BRI3: variants seen among roughly 807,000 people sequenced by gnomAD.
The protein encoded by BRI3 is brain protein I3, also known as membrane protein BRI3.
BRI3 carries 6 observed loss-of-function variants against 12.8 expected under a neutral mutation model. That is an observed-to-expected ratio of 0.47 (90% confidence interval 0.26 to 0.93). The LOEUF (loss-of-function observed/expected upper bound fraction) is 0.93, where lower values mean the gene tolerates loss of function less well. Among genes scored for constraint, BRI3 ranks in the 40% least tolerant of loss-of-function variants. BRI3 has a pLI of 0.15. For missense variants in BRI3, 134 were observed against 171.1 expected (o/e 0.78, Z 1.21); for synonymous variants, 91 against 76.1 (o/e 1.20, Z -1.02).
intron 1 of BRI3, chr7:98,306,951 T>C (rs1288354868): frequency 1.2e-5 from 2 of 171,724 alleles, no homozygotes; most frequent in South Asian, 2.7e-4. Flanking sequence ...TTTTATTTAA[T>C]ACATCTGAAC....
At chr7:98,304,151 A>G, upstream of BRI3, 1 of 1,499,152 alleles carries the variant, frequency 6.7e-7, no homozygotes, top group Non-Finnish European at 8.9e-7. Context: ...CCAGTCGGGG[A>G]TGGCGAGTCC....
chr7:98,317,439 T>C, the BRI3 span: 1 of 1,553,218 alleles, frequency 6.4e-7, no homozygotes, highest in Non-Finnish European at 8.8e-7. Flanking sequence ...ACTTCCACTG[T>C]GTGTGGCTCA....
chr7:98,288,953 G>GT (rs1386150169), intron 2 of BRI3, among the ~76,000 whole-genome samples: 26 of 152,048 alleles, frequency 1.7e-4, no homozygotes. Context: ...TGGGCATGAA[G>GT]TTTTTTTCTT....
At chr7:98,297,429 C>T (rs1357944249), downstream of BRI3, among the ~76,000 whole-genome samples, 2 of 152,166 alleles carry the variant, frequency 1.3e-5, no homozygotes, top group Non-Finnish European at 2.9e-5. Flanking sequence ...TGCTGGTGGC[C>T]CTCACTGCAG....
intron 2 of BRI3, among the ~76,000 whole-genome samples, chr7:98,287,602 C>A (rs1474126763): frequency 6.6e-6 from 1 of 152,196 alleles, no homozygotes; most frequent in African/African-American, 2.4e-5. Flanking sequence ...GGCGCCCTGG[C>A]CCGTGGCAGT....
downstream of BRI3, chr7:98,291,678 G>A: frequency 3.4e-6 from 1 of 291,792 alleles, no homozygotes; most frequent in Non-Finnish European, 5.2e-6. Context: ...TATTATTAAA[G>A]TTGTAATCCC....
upstream of BRI3, chr7:98,304,517 C>G: frequency 1.2e-6 from 1 of 849,258 alleles, no homozygotes; most frequent in East Asian, 2.7e-5. Context: ...CACACAGACA[C>G]ACACAGTACA....
chr7:98,304,135 C>T (rs1002105419), upstream of BRI3: 34 of 1,471,920 alleles, frequency 2.3e-5, no homozygotes, highest in Admixed American at 1.0e-4. Context: ...ACAGGACCTG[C>T]GCCTCCCAGT....
chr7:98,286,487 A>C (rs1348059271), intron 2 of BRI3, among the ~76,000 whole-genome samples: 2 of 152,142 alleles, frequency 1.3e-5, no homozygotes, highest in Non-Finnish European at 2.9e-5. Flanking sequence ...GGCTAGAGAG[A>C]GCCGGTCAGG....
downstream of BRI3, among the ~76,000 whole-genome samples, chr7:98,294,344 G>A (rs548702194): frequency 6.6e-6 from 1 of 152,270 alleles, no homozygotes; most frequent in East Asian, 1.9e-4. Context: ...TAAAACATAA[G>A]GGATGTTTAA....
chr7:98,322,842 C>G, the BRI3 span: 1 of 152,338 alleles, frequency 6.6e-6, no homozygotes, highest in Non-Finnish European at 1.5e-5. Context: ...TAACATGTCG[C>G]TCCCCTGCTC....
downstream of BRI3, chr7:98,292,675 G>C (rs746742760): frequency 6.4e-7 from 1 of 1,550,946 alleles, no homozygotes; most frequent in South Asian, 1.2e-5. Context: ...CGTATCCTTT[G>C]AGAGTCTGTA....
At chr7:98,297,457 A>C (rs1193617190), downstream of BRI3, among the ~76,000 whole-genome samples, 1 of 152,192 alleles carries the variant, frequency 6.6e-6, no homozygotes, top group Non-Finnish European at 1.5e-5. Flanking sequence ...GACAGAGTGA[A>C]CAGGGCCAGT....
At chr7:98,311,929 CAT>C (rs1450227358), downstream of BRI3, among the ~76,000 whole-genome samples, 3 of 152,120 alleles carry the variant, frequency 2.0e-5, no homozygotes, top group African/African-American at 2.4e-5. Context: ...AAAAAACAAA[CAT>C]GTGCCCAGCT....
Position 98,281,945 on chromosome 7 carries a change from C to G in BRI3, c.142+8C>G, listed in dbSNP as rs1056160477. 3 of 1,303,118 alleles carry G rather than the reference C, an allele frequency of 2.3e-6. No homozygotes were observed. The highest frequency in any genetic ancestry group is 2.9e-6 in the Non-Finnish European group (3 of 1,028,116). 80.7% of individuals were successfully genotyped at this position (1,303,118 alleles called of 1,614,324 possible). ...ACCCCTACCTCGTCACAGGTGGGCC[C>G]GTAACCAACTTTCCCCGCCGGCGGC... On this transcript the variant is annotated splice_region_variant and intron_variant, in intron 1 of 2. Coordinates refer to ENST00000297290, the MANE Select transcript of BRI3 (RefSeq NM_015379.5).
chr7:98,284,036 T>C (rs1470676700), intron 2 of BRI3, among the ~76,000 whole-genome samples: 2 of 152,198 alleles, frequency 1.3e-5, no homozygotes, highest in Non-Finnish European at 1.5e-5. Flanking sequence ...TCTCCAGTTA[T>C]GCAGAACCTG....
Position 98,281,943 on chromosome 7 carries a change from C to T in BRI3, c.142+6C>T. The T allele has an allele frequency of 1.5e-6, 2 of 1,303,592 alleles. No homozygotes were observed. The highest frequency in any genetic ancestry group is 9.7e-7 in the Non-Finnish European group (1 of 1,028,266). The allele number at this position is 1,303,592 out of a possible 1,614,324, so 80.8% of individuals were successfully genotyped here. A position where few individuals can be genotyped will look rare whatever the true frequency, so the allele number is the denominator to read the frequency against. On this transcript the variant is annotated splice_donor_region_variant and intron_variant, in intron 1 of 2. Transcript: ENST00000297290. ...CTACCCCTACCTCGTCACAGGTGGG[C>T]CCGTAACCAACTTTCCCCGCCGGCG...
intron 1 of BRI3, chr7:98,307,506 C>T (rs1426766273): frequency 6.9e-7 from 1 of 1,440,418 alleles, no homozygotes; most frequent in Non-Finnish European, 9.1e-7. Context: ...TGTATCTCTA[C>T]ATGCACAGAC....
At chr7:98,310,674 T>A (rs567664106), downstream of BRI3, 298 of 1,107,334 alleles carry the variant, frequency 2.7e-4, 2 homozygotes, top group East Asian at 4.8e-3. Context: ...TTTTTTTTTT[T>A]TAAATAATAG....
Sources: allele counts gnomAD v4.1 joint callset (sites outside exome capture counted in the v4.1 genomes callset), GRCh38; gene constraint gnomAD v4.1.1; transcripts MANE v1.5; gene names NCBI Gene and HGNC (gene_info 2026-07-23, HGNC 2026-07-21).